The following ACSM5 variants were observed in gnomAD, a reference collection of about 807,000 sequenced individuals.
The protein encoded by ACSM5 is acyl-coenzyme A synthetase ACSM5, mitochondrial.
ACSM5 carries 56 observed loss-of-function variants against 71.6 expected under a neutral mutation model. The ratio of observed to expected loss-of-function variants is 0.78; its 90% CI spans 0.63 to 0.98. ACSM5 has a LOEUF of 0.98. Ranked by LOEUF, ACSM5 falls within the 50% of genes least tolerant of loss-of-function variation. ACSM5 has a pLI of 0.00. For missense variants in ACSM5, 723 were observed against 726.0 expected (o/e 1.00, Z 0.05); for synonymous variants, 285 against 281.5 (o/e 1.01, Z -0.12).
At chr16:20,438,812 A>G (rs6497503) in intron 12 of ACSM5, among the ~76,000 whole-genome samples, 60,971 of 150,482 alleles carry the variant, frequency 0.41, 14,614 homozygotes, top group East Asian at 0.78. Context: ...AAAATTAGCC[A>G]GGCGTGGCGG....
intron 10 of ACSM5, among the ~76,000 whole-genome samples, chr16:20,436,319 C>T (rs1967199378): frequency 6.9e-6 from 1 of 145,148 alleles, no homozygotes; most frequent in South Asian, 2.4e-4. Flanking sequence ...TGCCCTGTAG[C>T]CCAGGCTGCA....
At chr16:20,433,605 TA>T (rs1243001298) in intron 10 of ACSM5, among the ~76,000 whole-genome samples, 3 of 152,252 alleles carry the variant, frequency 2.0e-5, no homozygotes, top group East Asian at 1.9e-4. Flanking sequence ...GAAAAAATTT[TA>T]AAAAAAGAAT....
intron 5 of ACSM5, among the ~76,000 whole-genome samples, 175 bp downstream of exon 5, chr16:20,421,576 G>A (rs1434907326): frequency 2.0e-5 from 3 of 147,690 alleles, no homozygotes; most frequent in Non-Finnish European, 3.0e-5. Context: ...TACTCTGAGT[G>A]AGGTGAAAAG....
At chr16:20,433,351 CAT>C (rs140846438) in intron 10 of ACSM5, among the ~76,000 whole-genome samples, 36 of 152,290 alleles carry the variant, frequency 2.4e-4, no homozygotes, top group Admixed American at 8.5e-4. Flanking sequence ...TGAAATTGCA[CAT>C]GTCAGTTAAA....
At position 20,427,987 on chromosome 16, in the gene ACSM5, A is replaced by G. The variant is rs376209637; in HGVS notation, c.1001+120A>G. 1,535 of 790,558 alleles carry G rather than the reference A, an allele frequency of 1.9e-3. 11 individuals are homozygous for G. Among genetic ancestry groups the G allele is most frequent in the African/African-American group, 0.019 (1,096 of 58,488 alleles). The allele number at this position is 790,558 out of a possible 1,614,324, so 49.0% of individuals were successfully genotyped here. On this transcript the variant is annotated intron_variant, in intron 7 of 13. Coordinates refer to ENST00000331849, the MANE Select transcript of ACSM5 (RefSeq NM_017888.3). ...TTTCTTTCTCTGTCTCTCCCTCTATATATTTTTCTGCCTCTCTCTTTGTCT... is the reference window on the plus strand; with the variant it reads ...TTTCTTTCTCTGTCTCTCCCTCTATGTATTTTTCTGCCTCTCTCTTTGTCT...
chr16:20,421,336 C>G lies in ACSM5; in HGVS notation c.702C>G (p.Thr234=), dbSNP rs138216523. The change falls in exon 5 of 14, where the codon ACC becomes ACG. Residue 234 remains threonine (T), a synonymous_variant. Transcript: ENST00000331849. ...CCATCTACTTTACCAGCGGAACCAC[C>G]GGGGCCCCCAAGATGGTCGAGCACT... ...PLAIYFTSGT[T]GAPKMVEHSQ... is the part of the protein sequence containing the mutation. 4.3e-6 allele frequency: 7 copies of G among 1,609,566 alleles called. No individual in the cohort carries two copies. In the African/African-American group the frequency reaches 9.4e-5, roughly 22 times the overall value.
At chr16:20,432,071 G>A (rs1967111248) in intron 10 of ACSM5, among the ~76,000 whole-genome samples, 1 of 152,142 alleles carries the variant, frequency 6.6e-6, no homozygotes. Context: ...TGGGATTTCA[G>A]TCCAAGTTTC....
At chr16:20,430,914 G>T in intron 8 of ACSM5, 79 bp from the exon 9 acceptor site, 1 of 996,770 alleles carries the variant, frequency 1.0e-6, no homozygotes, top group Non-Finnish European at 1.5e-6. Flanking sequence ...GAGTTATCAG[G>T]CAGGGTGAGA....
rs1424983914 is a variant in ACSM5, at chr16:20,418,116, A to G, written c.262A>G (p.Ile88Val). ...FWWVNGTGAE[I>V]KWSFEELGKQ... is the part of the protein sequence containing the mutation. ...GTGGGTCAATGGCACAGGAGCAGAG[A>G]TCAAGTGGAGCTTTGAGGAGCTGGG... The change falls in exon 3 of 14, where the codon ATC (isoleucine) becomes GTC (valine). Residue 88 changes from isoleucine to valine, a missense_variant. By Grantham distance (29) the Ile-to-Val change is conservative. Transcript: ENST00000331849. 9 of 1,613,684 alleles carry G rather than the reference A, an allele frequency of 5.6e-6. No individual in the cohort carries two copies. In the African/African-American group the frequency reaches 1.1e-4, roughly 19 times the overall value.
rs1366208619 is a variant in ACSM5, at chr16:20,419,280, C to T, written c.468C>T (p.Tyr156=). The T allele has an allele frequency of 1.9e-6, 3 of 1,613,988 alleles. No homozygotes were observed. Among genetic ancestry groups the T allele is most frequent in the East Asian group, 2.2e-5 (1 of 44,888 alleles). Reference sequence around the variant, plus strand: ...AGCTGACAGAGAAGGACCTCAAGTACCGGCTGCAGGCGTCCAGGGCCAAGT... The same window carrying T: ...AGCTGACAGAGAAGGACCTCAAGTATCGGCTGCAGGCGTCCAGGGCCAAGT... ...VTQLTEKDLK[Y]RLQASRAKSI... is the part of the protein sequence containing the mutation. Residue 156 remains tyrosine, a synonymous_variant, in exon 4 of 14, where the codon TAC becomes TAT. Transcript: ENST00000331849.
At chr16:20,438,290 A>G (rs1358499059) in intron 12 of ACSM5, among the ~76,000 whole-genome samples, 1 of 152,010 alleles carries the variant, frequency 6.6e-6, no homozygotes, top group Non-Finnish European at 1.5e-5. Context: ...TCTCAGAAGC[A>G]TCAAGACCAC....
chr16:20,410,741 A>C (rs1966846080), intron 1 of ACSM5, among the ~76,000 whole-genome samples: 1 of 151,992 alleles, frequency 6.6e-6, no homozygotes, highest in Admixed American at 6.6e-5. Flanking sequence ...CAACAATAAT[A>C]AAAATTTTAA....
intron 3 of ACSM5, 109 bp downstream of exon 3, chr16:20,418,378 T>C: frequency 1.9e-6 from 2 of 1,080,708 alleles, no homozygotes; most frequent in Non-Finnish European, 2.6e-6. Context: ...GTATGTGGAG[T>C]TGTGTTTACT....
Position 20,418,083 on chromosome 16 carries a change from G to A in ACSM5, c.229G>A (p.Ala77Thr), listed in dbSNP as rs759097531. The A allele has an allele frequency of 1.9e-6, 3 of 1,613,492 alleles. No homozygotes were observed. The highest frequency in any genetic ancestry group is 2.7e-5 in the African/African-American group (2 of 74,824). The change falls in exon 3 of 14, where the codon GCC becomes ACC. Residue 77 changes from alanine to threonine, a missense_variant. Coordinates refer to ENST00000331849, the MANE Select transcript of ACSM5 (RefSeq NM_017888.3). The part of the protein sequence containing the change: ...EEAGHRPPNP[A>T]FWWVNGTGAE... ...GGCTGGACACCGCCCCCCAAATCCTGCCTTCTGGTGGGTCAATGGCACAGG... is the reference window on the plus strand; with the variant it reads ...GGCTGGACACCGCCCCCCAAATCCTACCTTCTGGTGGGTCAATGGCACAGG...
rs1967306813 is a variant in ACSM5, at chr16:20,440,551, C to T, written c.*124C>T. ...AAAGATGTCAAAGGTGTGCAGCTTC[C>T]AAACGGCATCCCCAGGATCACTGGG... On this transcript the variant is annotated 3_prime_UTR_variant, in exon 14 of 14. Transcript: ENST00000331849. 6.1e-6 allele frequency: 5 copies of T among 825,822 alleles called. No homozygotes were observed. In the South Asian group the frequency reaches 6.2e-5, roughly 10 times the overall value. 51.2% of individuals were successfully genotyped at this position (825,822 alleles called of 1,614,324 possible).
chr16:20,434,875 A>T (rs1194079654), intron 10 of ACSM5, among the ~76,000 whole-genome samples: 3 of 152,240 alleles, frequency 2.0e-5, no homozygotes, highest in Admixed American at 2.0e-4. Flanking sequence ...CAACTCATTT[A>T]GAAGTGTTTT....
intron 7 of ACSM5, 144 bp downstream of exon 7, chr16:20,428,011 C>G (rs1268439455): frequency 2.9e-6 from 2 of 687,254 alleles, no homozygotes; most frequent in Admixed American, 4.5e-5. Flanking sequence ...CTCTCTTTGT[C>G]TCTCTCTCAC....
intron 6 of ACSM5, among the ~76,000 whole-genome samples, chr16:20,425,526 T>A (rs1405790170): frequency 6.6e-6 from 1 of 152,196 alleles, no homozygotes; most frequent in Non-Finnish European, 1.5e-5. Context: ...GGTGCACCCA[T>A]CACCTGAGCA....
chr16:20,419,707 T>A, intron 4 of ACSM5: 5 of 491,542 alleles, frequency 1.0e-5, no homozygotes, highest in South Asian at 8.3e-5. Context: ...TCAGAGTACA[T>A]GAAATAACCA....
Sources: gnomAD v4.1 joint callset for allele counts (sites outside exome capture counted in the v4.1 genomes callset) on GRCh38, gnomAD v4.1.1 for gene constraint, MANE v1.5 for transcripts, NCBI Gene and HGNC (gene_info 2026-07-23, HGNC 2026-07-21) for gene names.